Variants in EPHA3 observed in about 807,000 individuals in gnomAD.
The protein encoded by EPHA3 is EPH receptor A3, also known as ephrin type-A receptor 3.
In EPHA3, 42 loss-of-function variants were observed where a neutral mutation model predicts 107.1. The observed-to-expected ratio is 0.39, with a 90% CI of 0.31 to 0.51. The LOEUF is 0.51. EPHA3 is among the 20% of genes least tolerant of loss of function. The probability of loss-of-function intolerance (pLI) is 0.78; values close to 1 mark genes in which losing one functional copy is unlikely to be tolerated. For synonymous variants in EPHA3, 461 were observed against 424.8 expected, an observed-to-expected ratio of 1.09 and a Z score of -1.05; for missense variants, 1,183 against 1,211.2, an observed-to-expected ratio of 0.98 and a Z score of 0.35.
chr3:89,186,609 A>G (rs1045730825), intron 2 of EPHA3, among the ~76,000 whole-genome samples: 1 of 152,110 alleles, frequency 6.6e-6, no homozygotes, highest in African/African-American at 2.4e-5. Context: ...CCTAAATATT[A>G]AACAGCTGGC....
intron 1 of EPHA3, among the ~76,000 whole-genome samples, chr3:89,118,488 C>T (rs1707306090): frequency 6.6e-6 from 1 of 151,798 alleles, no homozygotes; most frequent in Middle Eastern, 3.4e-3. Context: ...ATTTTTCTTT[C>T]CAAAGGTGAT....
In EPHA3 at chr3:89,460,951, TA is replaced by T. The variant is rs1476585702; in HGVS notation, c.2690+10582del. Among the ~76,000 whole-genome samples, 3 of 126,300 alleles carry T rather than the reference TA, an allele frequency of 2.4e-5. No homozygotes were observed. In the East Asian group the frequency reaches 6.8e-4, roughly 29 times the overall value. The allele number at this position is 126,300 out of a possible 152,430, so 82.9% of individuals were successfully genotyped here. On this transcript the variant is annotated intron_variant, in intron 15 of 16. Coordinates refer to ENST00000336596, the MANE Select transcript of EPHA3 (RefSeq NM_005233.6). ...CTAATGTGTCATCTAGCATTAGGTA[TA>T]TCTCCCAATGCTATCCCTCCCCCCT...
intron 1 of EPHA3, among the ~76,000 whole-genome samples, chr3:89,113,764 C>CT (rs1438180918): frequency 5.0e-4 from 7 of 13,904 alleles, no homozygotes; most frequent in African/African-American, 4.3e-3. Context: ...TTCTTTGTTT[C>CT]TCCTCAAGTT....
intron 3 of EPHA3, among the ~76,000 whole-genome samples, chr3:89,211,741 TCC>T (rs1704098303): frequency 2.0e-4 from 2 of 9,770 alleles, no homozygotes; most frequent in Non-Finnish European, 2.7e-4. Context: ...CTTCTTCTTC[TCC>T]TTCTTCTTCT....
intron 2 of EPHA3, among the ~76,000 whole-genome samples, chr3:89,208,467 A>AAAGAAAGAAAGG (rs1706176341): frequency 2.7e-5 from 4 of 146,066 alleles, no homozygotes; most frequent in African/African-American, 1.0e-4. Flanking sequence ...AGAAAGAAAG[A>AAAGAAAGAAAGG]AAGAAAGAAA....
intron 2 of EPHA3, among the ~76,000 whole-genome samples, chr3:89,162,364 A>G (rs1018476900): frequency 3.9e-5 from 6 of 152,168 alleles, no homozygotes; most frequent in Non-Finnish European, 7.4e-5. Context: ...CAAATAATCT[A>G]TTTCAGCCAT....
intron 3 of EPHA3, among the ~76,000 whole-genome samples, chr3:89,266,946 G>GA (rs1705551332): frequency 6.6e-6 from 1 of 151,934 alleles, no homozygotes; most frequent in South Asian, 2.1e-4. Context: ...TAAAACCTCT[G>GA]AAAGTCAATG....
At chr3:89,370,717 T>A (rs1473837487) in intron 5 of EPHA3, among the ~76,000 whole-genome samples, 1 of 150,086 alleles carries the variant, frequency 6.7e-6, no homozygotes, top group Non-Finnish European at 1.5e-5. Context: ...TAAAATAAAA[T>A]AAAAAAAGAA....
intron 1 of EPHA3, among the ~76,000 whole-genome samples, chr3:89,122,244 A>C (rs549310360): frequency 6.6e-6 from 1 of 152,218 alleles, no homozygotes. Flanking sequence ...GTGCATAGAA[A>C]GAAACTGTCA....
rs1227950819 is a variant in EPHA3 at position 89,473,123 on chromosome 3, A to C, written c.2846+504A>C. On this transcript the variant is annotated intron_variant, in intron 16 of 16. Coordinates refer to ENST00000336596, the MANE Select transcript of EPHA3 (RefSeq NM_005233.6). Reference sequence around the variant, plus strand: ...TAAATAAACATAACAACATGTATTCATCATTGTCTACCCTGTAAAGGATAT... The same window carrying C: ...TAAATAAACATAACAACATGTATTCCTCATTGTCTACCCTGTAAAGGATAT... 4.6e-5 allele frequency among the ~76,000 whole-genome samples: 7 copies of C among 152,324 alleles called. No homozygotes were observed. In the South Asian group the frequency reaches 1.4e-3, roughly 32 times the overall value.
intron 5 of EPHA3, among the ~76,000 whole-genome samples, chr3:89,382,705 G>C (rs1291223510): frequency 6.6e-6 from 1 of 152,034 alleles, no homozygotes; most frequent in Non-Finnish European, 1.5e-5. Context: ...CTGAGGTATA[G>C]GGACTGTCTC....
intron 15 of EPHA3, 107 bp from the exon 16 acceptor site, chr3:89,472,357 C>T (rs1710419365): frequency 8.5e-7 from 1 of 1,173,760 alleles, no homozygotes; most frequent in Non-Finnish European, 1.2e-6. Flanking sequence ...ATGAAAGGAA[C>T]ACCATATGAA....
intron 2 of EPHA3, among the ~76,000 whole-genome samples, chr3:89,134,472 G>C (rs1182519036): frequency 1.2e-4 from 18 of 151,942 alleles, no homozygotes; most frequent in Admixed American, 1.2e-3. Flanking sequence ...GCGATGTTTG[G>C]TTTTTTGTCC....
intron 2 of EPHA3, among the ~76,000 whole-genome samples, chr3:89,187,039 T>C (rs1283093037): frequency 6.6e-6 from 1 of 151,938 alleles, no homozygotes; most frequent in Non-Finnish European, 1.5e-5. Flanking sequence ...AAAAGTGTAT[T>C]GAACTTAATA....
At chr3:89,332,670 C>G (rs1212819982) in intron 3 of EPHA3, among the ~76,000 whole-genome samples, 2 of 152,138 alleles carry the variant, frequency 1.3e-5, no homozygotes, top group African/African-American at 4.8e-5. Flanking sequence ...TTGCTGTGAC[C>G]TTGTACAGGC....
chr3:89,182,267 T>A (rs1416171095), intron 2 of EPHA3, among the ~76,000 whole-genome samples: 1 of 151,898 alleles, frequency 6.6e-6, no homozygotes, highest in Non-Finnish European at 1.5e-5. Flanking sequence ...TGTCCTTTCA[T>A]CAGATTTCCT....
At chr3:89,203,345 CAAAACAAAAA>C (rs1559598465) in intron 2 of EPHA3, among the ~76,000 whole-genome samples, 126 of 139,560 alleles carry the variant, frequency 9.0e-4, no homozygotes, top group African/African-American at 3.1e-3. Flanking sequence ...CAAAACAAAA[CAAAACAAAAA>C]AAAAATTACA....
At chr3:89,280,884 G>A (rs753524582) in intron 3 of EPHA3, among the ~76,000 whole-genome samples, 10 of 152,000 alleles carry the variant, frequency 6.6e-5, no homozygotes, top group Admixed American at 1.3e-4. Flanking sequence ...CATGATTCTC[G>A]TGATTAGAAT....
At chr3:89,110,049 A>G (rs1707064512) in intron 1 of EPHA3, among the ~76,000 whole-genome samples, 1 of 152,056 alleles carries the variant, frequency 6.6e-6, no homozygotes, top group Admixed American at 6.5e-5. Context: ...CAATTTTTCT[A>G]ACAATGTAAT....
Sources: gnomAD v4.1 joint callset for allele counts (sites outside exome capture counted in the v4.1 genomes callset) on GRCh38, gnomAD v4.1.1 for gene constraint, MANE v1.5 for transcripts, NCBI Gene and HGNC (gene_info 2026-07-23, HGNC 2026-07-21) for gene names.